M1AP: variants seen among roughly 807,000 people sequenced by gnomAD.
M1AP encodes meiosis 1 arrest protein.
Under a neutral mutation model 51.2 loss-of-function variants are expected in M1AP, and 39 were observed. The observed-to-expected ratio is 0.76, with a 90% CI of 0.59 to 1.00. M1AP has a LOEUF of 1.00. Ranked by LOEUF, M1AP falls within the 50% of genes least tolerant of loss-of-function variation. The pLI, the probability that M1AP is intolerant of heterozygous loss-of-function variation, is 0.00. For synonymous variants in M1AP, 251 were observed against 249.2 expected (o/e 1.01, Z -0.07); for missense variants, 545 against 641.2 (o/e 0.85, Z 1.62).
At chr2:74,594,279 A>C (rs1180530326) in intron 4 of M1AP, among the ~76,000 whole-genome samples, 2 of 152,202 alleles carry the variant, frequency 1.3e-5, no homozygotes, top group African/African-American at 4.8e-5. Context: ...TCTCAAAGGA[A>C]AATATAAGTC....
At chr2:74,579,845 T>C (rs914001536) in intron 5 of M1AP, among the ~76,000 whole-genome samples, 4 of 152,224 alleles carry the variant, frequency 2.6e-5, no homozygotes, top group Non-Finnish European at 5.9e-5. Flanking sequence ...TCTCACTCTG[T>C]TGCCCAGGCT....
chr2:74,605,900 C>CA (rs1255588829), intron 4 of M1AP, among the ~76,000 whole-genome samples: 4,847 of 122,280 alleles, frequency 0.04, 222 homozygotes, highest in African/African-American at 0.12. Context: ...GACTCCATCT[C>CA]AAAAAAAAAA....
intron 2 of M1AP, among the ~76,000 whole-genome samples, chr2:74,630,366 A>C (rs956152886): frequency 6.6e-6 from 1 of 152,222 alleles, no homozygotes; most frequent in Non-Finnish European, 1.5e-5. Context: ...ACATGTGCAG[A>C]ACGTGCAGGT....
intron 7 of M1AP, 198 bp downstream of exon 7, chr2:74,575,240 T>G (rs1245891908): frequency 1.0e-6 from 1 of 955,472 alleles, no homozygotes; most frequent in African/African-American, 1.8e-5. Context: ...TATAACTGAA[T>G]TCAGGAATTA....
intron 4 of M1AP, among the ~76,000 whole-genome samples, chr2:74,592,018 G>A (rs1680073871): frequency 6.6e-6 from 1 of 151,752 alleles, no homozygotes; most frequent in African/African-American, 2.4e-5. Flanking sequence ...TGGCCAGGCT[G>A]GTCTCGAACT....
In M1AP at chr2:74,565,700, G is replaced by A. The variant is rs145065530; in HGVS notation, c.1075-3277C>T. 7.6e-4 allele frequency among the ~76,000 whole-genome samples: 116 copies of A among 151,638 alleles called. 3 individuals are homozygous for A. In the East Asian group the frequency reaches 0.021, roughly 27 times the overall value. On this transcript the variant is annotated intron_variant, in intron 7 of 10. Transcript: ENST00000421985. ...AAAAATTAGCCGGGAGTGGTGGCAC[G>A]TGCCTGTAGTCCCAGCTACTCAGGA...
Position 74,575,548 on chromosome 2 carries a change from A to C in M1AP, c.964T>G (p.Leu322Val). The change falls in exon 7 of 11, where the codon TTG becomes GTG. Residue 322 changes from leucine (L) to valine (V), a missense_variant. By Grantham distance (32) the Leu-to-Val change is conservative. Transcript: ENST00000421985. ...AGGATGAACGGGAGTCCATATGTCA[A>C]TGACTCGCAGAGCCCGCTAGATTTT... ...ALKSSGLCES[L>V]TYGLPFILRP... is the part of the protein sequence containing the mutation. The C allele has an allele frequency of 6.2e-7, 1 of 1,614,180 alleles. No homozygotes were observed. Among genetic ancestry groups the C allele is most frequent in the Non-Finnish European group, 8.5e-7 (1 of 1,180,028 alleles).
At chr2:74,627,399 C>A (rs906316243) in intron 2 of M1AP, among the ~76,000 whole-genome samples, 5 of 152,146 alleles carry the variant, frequency 3.3e-5, no homozygotes, top group South Asian at 2.1e-4. Context: ...CTAGTGGATT[C>A]TCTTGGGCTT....
chr2:74,588,990 A>T (rs1174091437), intron 4 of M1AP, among the ~76,000 whole-genome samples: 2 of 152,256 alleles, frequency 1.3e-5, no homozygotes, highest in African/African-American at 4.8e-5. Flanking sequence ...AACAGATAAT[A>T]AGCAAGCAAA....
intron 2 of M1AP, among the ~76,000 whole-genome samples, chr2:74,627,013 G>T (rs189402596): frequency 3.3e-5 from 5 of 152,192 alleles, no homozygotes; most frequent in East Asian, 1.9e-4. Flanking sequence ...TATAATTTTT[G>T]GGAATTGCAT....
intron 5 of M1AP, among the ~76,000 whole-genome samples, chr2:74,579,714 A>G (rs1343144546): frequency 1.3e-5 from 2 of 152,198 alleles, no homozygotes; most frequent in African/African-American, 2.4e-5. Flanking sequence ...CTCTCTCGAT[A>G]CAGGTAAAAT....
At chr2:74,641,574 C>A (rs1458358402) in intron 1 of M1AP, among the ~76,000 whole-genome samples, 1 of 151,580 alleles carries the variant, frequency 6.6e-6, no homozygotes, top group Non-Finnish European at 1.5e-5. Context: ...TATCTTCCCA[C>A]AAGTAAGAGG....
Position 74,560,194 on chromosome 2 carries a change from T to C in M1AP, c.1379A>G (p.Gln460Arg). Residue 460 changes from glutamine to arginine, a missense_variant, in exon 9 of 11, where the codon CAG becomes CGG. By Grantham distance (43) the Gln-to-Arg change is conservative (BLOSUM62 1). Transcript: ENST00000421985. ...CTCCCAGTGTGGGTGGAGCCGCCCC[T>C]GAGGCTTGGCATAGATGCTGCTCAG... is the stretch of plus-strand genomic sequence containing the variant. The part of the protein sequence containing the change: ...SHLSSIYAKP[Q>R]GRLHPHWESR... The C allele has an allele frequency of 6.2e-7, 1 of 1,613,880 alleles. No individual in the cohort carries two copies. The highest frequency in any genetic ancestry group is 8.5e-7 in the Non-Finnish European group (1 of 1,179,958).
At chr2:74,577,195 T>C (rs767507737) in intron 5 of M1AP, among the ~76,000 whole-genome samples, 3 of 152,226 alleles carry the variant, frequency 2.0e-5, no homozygotes, top group Non-Finnish European at 4.4e-5. Flanking sequence ...CTGAAATAGC[T>C]TATTTTTTAA....
chr2:74,635,631 AC>A lies in M1AP; in HGVS notation c.240+4404del. 2.6e-5 allele frequency among the ~76,000 whole-genome samples: 4 copies of A among 152,170 alleles called. 1 individual carries two copies. The South Asian group carries it at 8.3e-4, about 32-fold the overall frequency. Reference sequence around the variant, plus strand: ...TAGTGCCATAAATTTCCTTCTCAGCACTGCTTTACCTGCATCCCACAAATTT... The same window carrying A: ...TAGTGCCATAAATTTCCTTCTCAGCATGCTTTACCTGCATCCCACAAATTT... On this transcript the variant is annotated intron_variant, in intron 2 of 10. Coordinates refer to ENST00000421985, the MANE Select transcript of M1AP (RefSeq NM_001321739.2).
intron 7 of M1AP, among the ~76,000 whole-genome samples, chr2:74,572,133 G>C (rs554229176): frequency 2.0e-5 from 3 of 152,298 alleles, no homozygotes; most frequent in Non-Finnish European, 4.4e-5. Context: ...CCGTTGTTAT[G>C]AGTACTGTGC....
chr2:74,625,999 A>G (rs779160308), intron 2 of M1AP, among the ~76,000 whole-genome samples: 50 of 152,180 alleles, frequency 3.3e-4, no homozygotes, highest in Non-Finnish European at 6.8e-4. Flanking sequence ...TAGCTCACCT[A>G]TCACTGGAGA....
At chr2:74,579,778 C>T (rs913190429) in intron 5 of M1AP, among the ~76,000 whole-genome samples, 1 of 151,822 alleles carries the variant, frequency 6.6e-6, no homozygotes, top group African/African-American at 2.4e-5. Context: ...GCAATGTCTT[C>T]TTTCTTTTTT....
chr2:74,588,407 C>A (rs1454947110), intron 4 of M1AP, among the ~76,000 whole-genome samples: 2 of 152,172 alleles, frequency 1.3e-5, no homozygotes, highest in Non-Finnish European at 2.9e-5. Flanking sequence ...GCTGTCTACT[C>A]TCTGAATACA....
Sources: allele counts gnomAD v4.1 joint callset (sites outside exome capture counted in the v4.1 genomes callset), GRCh38; gene constraint gnomAD v4.1.1; transcripts MANE v1.5; gene names NCBI Gene and HGNC (gene_info 2026-07-23, HGNC 2026-07-21).